Variants in RBFOX1 observed in about 807,000 individuals in gnomAD.
RBFOX1 encodes RNA binding protein fox-1 homolog 1.
In RBFOX1, 8 loss-of-function variants were observed where a neutral mutation model predicts 57.7. The observed-to-expected ratio is 0.14, with a 90% CI of 0.08 to 0.25. RBFOX1 has a LOEUF of 0.25. RBFOX1 is among the 10% of genes least tolerant of loss of function. The probability of loss-of-function intolerance (pLI) is 1.00; values close to 1 mark genes in which losing one functional copy is unlikely to be tolerated. For missense variants in RBFOX1, 611 were observed against 548.5 expected, an observed-to-expected ratio of 1.11 and a Z score of -1.14; for synonymous variants, 326 against 222.4, an observed-to-expected ratio of 1.47 and a Z score of -4.15.
At chr16:6,687,261 T>C (rs960755910) in intron 3 of RBFOX1, among the ~76,000 whole-genome samples, 16 of 152,090 alleles carry the variant, frequency 1.1e-4, no homozygotes, top group African/African-American at 3.1e-4. Flanking sequence ...CACAGAGTGA[T>C]ATAATCGACT....
At chr16:6,849,130 A>T (rs1192070739) in intron 3 of RBFOX1, among the ~76,000 whole-genome samples, 1 of 152,170 alleles carries the variant, frequency 6.6e-6, no homozygotes, top group African/African-American at 2.4e-5. Flanking sequence ...ATATATAATC[A>T]TCCCCAGAGA....
At chr16:5,436,145 A>G (rs1212943533) in intron 1 of RBFOX1, among the ~76,000 whole-genome samples, 2 of 152,172 alleles carry the variant, frequency 1.3e-5, no homozygotes, top group Admixed American at 6.5e-5. Context: ...GGAGACACCC[A>G]TTGCTCCCTC....
intron 4 of RBFOX1, among the ~76,000 whole-genome samples, chr16:7,084,690 G>C (rs944633786): frequency 6.6e-6 from 1 of 152,198 alleles, no homozygotes; most frequent in Non-Finnish European, 1.5e-5. Context: ...CTTGCCCTAA[G>C]TGAAATGAGG....
chr16:7,467,562 C>A (rs1320598784), intron 4 of RBFOX1, among the ~76,000 whole-genome samples: 1 of 152,160 alleles, frequency 6.6e-6, no homozygotes, highest in Non-Finnish European at 1.5e-5. Flanking sequence ...GGGTTCAAAT[C>A]CCAGCTCTGT....
intron 3 of RBFOX1, among the ~76,000 whole-genome samples, chr16:5,843,916 G>C (rs891536195): frequency 4.6e-5 from 7 of 152,192 alleles, no homozygotes; most frequent in Non-Finnish European, 8.8e-5. Context: ...TCTGGAGGTT[G>C]AATTTCAGAA....
At chr16:6,812,683 C>A (rs75163675) in intron 3 of RBFOX1, among the ~76,000 whole-genome samples, 151 of 152,218 alleles carry the variant, frequency 9.9e-4, no homozygotes, top group African/African-American at 3.3e-3. Context: ...GGCCTTGGTT[C>A]AGTTTTTAAT....
intron 14 of RBFOX1, among the ~76,000 whole-genome samples, chr16:7,706,903 TTA>T (rs1450558116): frequency 6.6e-6 from 1 of 152,048 alleles, no homozygotes; most frequent in African/African-American, 2.4e-5. Context: ...GAATATATTA[TTA>T]TTTTATCAAA....
chr16:7,557,556 G>A (rs2088962440), intron 5 of RBFOX1, among the ~76,000 whole-genome samples: 1 of 128,232 alleles, frequency 7.8e-6, no homozygotes, highest in Non-Finnish European at 1.6e-5. Context: ...GGAGGCAGAG[G>A]TTTCAGTGAG....
intron 4 of RBFOX1, among the ~76,000 whole-genome samples, chr16:7,375,599 A>G (rs904149924): frequency 8.6e-5 from 13 of 151,460 alleles, no homozygotes; most frequent in African/African-American, 3.2e-4. Context: ...TCGATCCCCT[A>G]GTTCTTCCCA....
chr16:5,564,218 G>C (rs946985277), intron 2 of RBFOX1, among the ~76,000 whole-genome samples: 1 of 151,738 alleles, frequency 6.6e-6, no homozygotes, highest in African/African-American at 2.4e-5. Context: ...GGGTTTCACT[G>C]TGTTGGCCAG....
intron 2 of RBFOX1, among the ~76,000 whole-genome samples, chr16:6,346,843 C>T (rs1357928016): frequency 6.6e-6 from 1 of 151,972 alleles, no homozygotes; most frequent in Non-Finnish European, 1.5e-5. Context: ...CCAGAATAAC[C>T]TCTTGACAAG....
chr16:5,266,808 C>T (rs1200073821), intron 1 of RBFOX1, among the ~76,000 whole-genome samples: 1 of 151,992 alleles, frequency 6.6e-6, no homozygotes, highest in Non-Finnish European at 1.5e-5. Context: ...ATCTGCTCAC[C>T]TCGGCCTCCC....
chr16:7,476,935 C>T (rs894634147), intron 4 of RBFOX1, among the ~76,000 whole-genome samples: 6 of 152,126 alleles, frequency 3.9e-5, no homozygotes, highest in African/African-American at 1.4e-4. Context: ...TACCAAGCTG[C>T]CCTCATCCTC....
intron 5 of RBFOX1, among the ~76,000 whole-genome samples, chr16:7,552,576 C>A (rs777280653): frequency 3.3e-5 from 5 of 152,134 alleles, no homozygotes; most frequent in Non-Finnish European, 7.3e-5. Context: ...TTAATATGTG[C>A]GGCAGAAGCA....
intron 4 of RBFOX1, among the ~76,000 whole-genome samples, chr16:7,400,662 G>T (rs2098226341): frequency 1.3e-5 from 2 of 152,098 alleles, no homozygotes; most frequent in South Asian, 4.1e-4. Context: ...CAGCCATTTG[G>T]AGGTTTTCCA....
intron 2 of RBFOX1, among the ~76,000 whole-genome samples, chr16:6,367,435 T>C (rs1225304579): frequency 6.6e-6 from 1 of 152,062 alleles, no homozygotes; most frequent in African/African-American, 2.4e-5. Context: ...CATGCCCGGC[T>C]AATTTTTTGC....
chr16:6,907,600 C>T (rs1008085787), intron 3 of RBFOX1, among the ~76,000 whole-genome samples: 6 of 152,072 alleles, frequency 3.9e-5, no homozygotes, highest in African/African-American at 1.4e-4. Flanking sequence ...GATGGAGTCT[C>T]ACTCTGGTTG....
intron 4 of RBFOX1, among the ~76,000 whole-genome samples, chr16:7,144,486 C>T (rs557084217): frequency 9.3e-4 from 121 of 130,678 alleles, no homozygotes; most frequent in African/African-American, 3.2e-3. Flanking sequence ...TGGTGGCACA[C>T]ACACAGCAGC....
At chr16:7,166,888 C>T (rs1169172494) in intron 4 of RBFOX1, among the ~76,000 whole-genome samples, 2 of 150,810 alleles carry the variant, frequency 1.3e-5, no homozygotes, top group Admixed American at 6.6e-5. Flanking sequence ...CAGACACAGC[C>T]ACCAGTAGCC....
Sources: gnomAD v4.1 joint callset for allele counts (sites outside exome capture counted in the v4.1 genomes callset) on GRCh38, gnomAD v4.1.1 for gene constraint, MANE v1.5 for transcripts, NCBI Gene and HGNC (gene_info 2026-07-23, HGNC 2026-07-21) for gene names.